The following LRP1B variants were observed in gnomAD, a reference collection of about 807,000 sequenced individuals.
LRP1B encodes LDL receptor related protein 1B, also known as low-density lipoprotein receptor-related protein 1B.
In LRP1B, 217 loss-of-function variants were observed where a neutral mutation model predicts 556.6. That is an observed-to-expected ratio of 0.39 (90% CI 0.35 to 0.44). The LOEUF is 0.44. Ranked by LOEUF, LRP1B falls within the 20% of genes least tolerant of loss-of-function variation. LRP1B has a pLI of 1.00. For synonymous variants in LRP1B, 2,047 were observed against 1,865.8 expected (o/e 1.10, Z -2.50); for missense variants, 5,053 against 5,620.8 (o/e 0.90, Z 3.23).
chr2:141,095,938 T>C (rs750086850), intron 7 of LRP1B, among the ~76,000 whole-genome samples: 2 of 152,124 alleles, frequency 1.3e-5, no homozygotes, highest in African/African-American at 2.4e-5. Context: ...ATCAAACAAT[T>C]GTATCTTTTA....
intron 25 of LRP1B, among the ~76,000 whole-genome samples, chr2:140,871,571 T>C (rs1414221867): frequency 6.6e-6 from 1 of 152,180 alleles, no homozygotes; most frequent in African/African-American, 2.4e-5. Context: ...ATTCATCTCA[T>C]AGAATTTCTT....
chr2:142,040,635 T>TC (rs1464969232), intron 1 of LRP1B, among the ~76,000 whole-genome samples: 2 of 150,856 alleles, frequency 1.3e-5, no homozygotes, highest in Non-Finnish European at 1.5e-5. Flanking sequence ...TTTTTTTTTT[T>TC]TTTAATAGCT....
chr2:140,982,245 G>A lies in LRP1B; in HGVS notation c.2802C>T (p.Cys934=), dbSNP rs138953199. The change falls in exon 18 of 91, where the codon TGC becomes TGT. Residue 934 remains cysteine (C), a synonymous_variant. Transcript: ENST00000389484. ...ARTCQVDQFS[C]GNGRCIPRAW... ...CTCTGGGAATGCAACGCCCATTTCC[G>A]CAAGAAAACTGGTCTACCTGGCATG... is the stretch of plus-strand genomic sequence containing the variant. 1.5e-4 allele frequency: 243 copies of A among 1,613,122 alleles called. 1 individual carries two copies. The African/African-American group carries it at 2.2e-3, about 15-fold the overall frequency.
At chr2:141,773,041 C>T (rs1463626522) in intron 2 of LRP1B, among the ~76,000 whole-genome samples, 2 of 152,110 alleles carry the variant, frequency 1.3e-5, no homozygotes, top group Non-Finnish European at 2.9e-5. Context: ...ATATATTAAA[C>T]TAGAGTAAAT....
At chr2:140,942,802 A>G (rs181706916) in intron 20 of LRP1B, among the ~76,000 whole-genome samples, 1 of 152,274 alleles carries the variant, frequency 6.6e-6, no homozygotes, top group East Asian at 1.9e-4. Flanking sequence ...AAACATGAAA[A>G]TAAAAGAATA....
At chr2:142,035,934 G>C (rs1456500799) in intron 1 of LRP1B, among the ~76,000 whole-genome samples, 2 of 151,684 alleles carry the variant, frequency 1.3e-5, no homozygotes, top group African/African-American at 4.8e-5. Context: ...CATGAGATCT[G>C]ATGGGTTTAT....
intron 43 of LRP1B, among the ~76,000 whole-genome samples, chr2:140,551,845 T>A (rs1680558688): frequency 6.6e-6 from 1 of 152,166 alleles, no homozygotes; most frequent in Middle Eastern, 3.2e-3. Context: ...TCATCCTTTT[T>A]AGTTATCAGT....
At chr2:140,435,587 C>T (rs951897229) in intron 66 of LRP1B, among the ~76,000 whole-genome samples, 1 of 151,932 alleles carries the variant, frequency 6.6e-6, no homozygotes, top group African/African-American at 2.4e-5. Flanking sequence ...ATTTGGCATG[C>T]CTCCTGACTC....
chr2:140,284,739 A>G (rs1002062454), intron 84 of LRP1B, among the ~76,000 whole-genome samples: 31 of 145,174 alleles, frequency 2.1e-4, no homozygotes, highest in Non-Finnish European at 4.1e-4. Flanking sequence ...TTTTTTTTCA[A>G]TGTTACAATG....
chr2:142,010,382 G>C (rs1022236525), intron 1 of LRP1B, among the ~76,000 whole-genome samples: 1 of 151,448 alleles, frequency 6.6e-6, no homozygotes, highest in African/African-American at 2.4e-5. Context: ...GTGAAACCCC[G>C]TCTCTACTAA....
chr2:141,355,963 T>C (rs1688613372), intron 3 of LRP1B, among the ~76,000 whole-genome samples: 1 of 152,170 alleles, frequency 6.6e-6, no homozygotes, highest in Admixed American at 6.5e-5. Flanking sequence ...ATTACCTAAA[T>C]TACCAAATTA....
intron 3 of LRP1B, among the ~76,000 whole-genome samples, chr2:141,419,264 T>C (rs558426744): frequency 5.3e-5 from 8 of 152,318 alleles, no homozygotes; most frequent in African/African-American, 1.9e-4. Flanking sequence ...TTTCTTGTGA[T>C]GCCTTTTCCT....
chr2:142,114,244 G>A (rs1349222), intron 1 of LRP1B, among the ~76,000 whole-genome samples: 64,752 of 151,800 alleles, frequency 0.43, 15,878 homozygotes, highest in East Asian at 0.69. Context: ...TTTATAAAAC[G>A]TATCTATATT....
chr2:140,408,862 A>G (rs985610345), intron 66 of LRP1B, among the ~76,000 whole-genome samples: 3 of 151,926 alleles, frequency 2.0e-5, no homozygotes, highest in African/African-American at 7.2e-5. Context: ...TTTAAGGAAC[A>G]GTGTTGAGAC....
chr2:142,085,928 C>T (rs1253346190), intron 1 of LRP1B, among the ~76,000 whole-genome samples: 1 of 152,198 alleles, frequency 6.6e-6, no homozygotes, highest in Non-Finnish European at 1.5e-5. Flanking sequence ...TCTAAAGCCA[C>T]TTGTTTGATC....
At position 141,215,871 on chromosome 2, in the gene LRP1B, G is replaced by C. The variant is rs185822116; in HGVS notation, c.850+13312C>G. Among the ~76,000 whole-genome samples, 544 of 152,334 alleles carry C rather than the reference G, an allele frequency of 3.6e-3. 2 individuals are homozygous for C. Among genetic ancestry groups the C allele is most frequent in the Non-Finnish European group, 6.1e-3 (418 of 68,030 alleles). ...AATTTGTATTTAAACAGGAAGCAGA[G>C]TATAAAAGTTTGGAAAGTTTGCAGC... On this transcript the variant is annotated intron_variant, in intron 6 of 90. Coordinates refer to ENST00000389484, the MANE Select transcript of LRP1B (RefSeq NM_018557.3).
chr2:140,587,501 T>C (rs1443068939), intron 43 of LRP1B, among the ~76,000 whole-genome samples: 1 of 152,124 alleles, frequency 6.6e-6, no homozygotes, highest in Non-Finnish European at 1.5e-5. Flanking sequence ...CTTCATGAGC[T>C]CACACGTGGT....
chr2:140,311,624 ATATCCATG>A (rs1684305759), intron 83 of LRP1B, among the ~76,000 whole-genome samples: 2 of 151,892 alleles, frequency 1.3e-5, no homozygotes, highest in Non-Finnish European at 2.9e-5. Flanking sequence ...ACTACACAAT[ATATCCATG>A]TAACAAAACT....
chr2:142,122,503 G>A (rs1322621478), intron 1 of LRP1B, among the ~76,000 whole-genome samples: 1 of 152,072 alleles, frequency 6.6e-6, no homozygotes, highest in Non-Finnish European at 1.5e-5. Context: ...TAAGATTAGT[G>A]TGCTGTTGTA....
Sources: gnomAD v4.1 joint callset for allele counts (sites outside exome capture counted in the v4.1 genomes callset) on GRCh38, gnomAD v4.1.1 for gene constraint, MANE v1.5 for transcripts, NCBI Gene and HGNC (gene_info 2026-07-23, HGNC 2026-07-21) for gene names.